NCAPH2: variants seen among roughly 807,000 people sequenced by gnomAD.
The protein encoded by NCAPH2 is non-SMC condensin II complex subunit H2.
Under a neutral mutation model 88.6 loss-of-function variants are expected in NCAPH2, and 56 were observed. That is an observed-to-expected ratio of 0.63 (90% CI 0.51 to 0.79). The LOEUF is 0.79. NCAPH2 is among the 30% of genes least tolerant of loss of function. The pLI, the probability that NCAPH2 is intolerant of heterozygous loss-of-function variation, is 0.00. For missense variants in NCAPH2, 794 were observed against 792.0 expected (o/e 1.00, Z -0.03); for synonymous variants, 378 against 313.6 (o/e 1.21, Z -2.17).
At position 50,524,671 on chromosome 22, in the gene NCAPH2, A is replaced by G; in HGVS notation, c.*1296A>G. On this transcript the variant is annotated 3_prime_UTR_variant, in exon 20 of 20. Transcript: ENST00000420993. ...AGCCTGTCACCGCACCCTGCCCTGC[A>G]CCTGCACCTCAGCAAGGTGAACCTC... 2.9e-6 allele frequency: 2 copies of G among 685,282 alleles called. No individual in the cohort carries two copies. Among genetic ancestry groups the G allele is most frequent in the South Asian group, 1.5e-5 (1 of 66,424 alleles). 42.5% of individuals were successfully genotyped at this position (685,282 alleles called of 1,614,324 possible). A position where few individuals can be genotyped will look rare whatever the true frequency, so the allele number is the denominator to read the frequency against.
chr22:50,517,903 C>T (rs1165030331), intron 5 of NCAPH2, 70 bp from the exon 6 acceptor site: 2 of 1,602,266 alleles, frequency 1.2e-6, no homozygotes, highest in Non-Finnish European at 1.7e-6. Context: ...GGTGTCATTG[C>T]CCCATGTGGG....
intron 1 of NCAPH2, chr22:50,515,901 G>C (rs1420828747): frequency 1.3e-6 from 1 of 793,244 alleles, no homozygotes; most frequent in Admixed American, 3.6e-5. Context: ...CTTATGGTTG[G>C]CAGCTTGGGC....
chr22:50,517,449 T>C lies in NCAPH2; in HGVS notation c.233T>C (p.Val78Ala). 4 of 1,614,024 alleles carry C rather than the reference T, an allele frequency of 2.5e-6. No homozygotes were observed. Among genetic ancestry groups the C allele is most frequent in the Non-Finnish European group, 3.4e-6 (4 of 1,180,012 alleles). ...CAGGTGGAATACCTCTACTCACTCG[T>C]CTACCAGGCCCTTGATTTCATCTCT... Reference protein sequence around the residue: ...SKKVEYLYSLVYQALDFISGK... With the variant: ...SKKVEYLYSLAYQALDFISGK... The change falls in exon 3 of 20, where the codon GTC (valine) becomes GCC (alanine). Residue 78 changes from valine (V) to alanine (A), a missense_variant. Val to Ala is a moderately conservative substitution (Grantham distance 64). Coordinates refer to ENST00000420993, the MANE Select transcript of NCAPH2 (RefSeq NM_152299.4).
At position 50,524,538 on chromosome 22, in the gene NCAPH2, C is replaced by T. The variant is rs1291806873; in HGVS notation, c.*1163C>T. On this transcript the variant is annotated 3_prime_UTR_variant, in exon 20 of 20. Coordinates refer to ENST00000420993, the MANE Select transcript of NCAPH2 (RefSeq NM_152299.4). Reference sequence around the variant, plus strand: ...CTGAAGGACCCAGCCCACGTTCAGGCTTAACAGGCATTTGCAGCTGCTCAC... The same window carrying T: ...CTGAAGGACCCAGCCCACGTTCAGGTTTAACAGGCATTTGCAGCTGCTCAC... 1.1e-6 allele frequency: 1 copy of T among 945,014 alleles called. No homozygotes were observed. The allele number at this position is 945,014 out of a possible 1,614,324, so 58.5% of individuals were successfully genotyped here. A position where few individuals can be genotyped will look rare whatever the true frequency, so the allele number is the denominator to read the frequency against.
chr22:50,521,948 C>G, intron 12 of NCAPH2, 38 bp from the exon 13 acceptor site: 1 of 1,613,782 alleles, frequency 6.2e-7, no homozygotes, highest in Non-Finnish European at 8.5e-7. Context: ...CTGTGGGCAG[C>G]TCTTGGCCTG....
At chr22:50,508,499 C>CGGGGGGGG in intron 1 of NCAPH2, 54 bp downstream of exon 1, 1 of 350,300 alleles carries the variant, frequency 2.9e-6, no homozygotes, top group African/African-American at 2.3e-5. Flanking sequence ...GGCTGCGGGG[C>CGGGGGGGG]GGGGGCTCCG....
At chr22:50,517,865 G>T (rs1317345318) in intron 5 of NCAPH2, 56 bp downstream of exon 5, 2 of 1,604,654 alleles carry the variant, frequency 1.2e-6, no homozygotes. Flanking sequence ...TTTCCCTGGG[G>T]CTGTGTTGAG....
At position 50,524,491 on chromosome 22, in the gene NCAPH2, C is replaced by A. The variant is rs779177024; in HGVS notation, c.*1116C>A. 1 of 1,443,034 alleles carries A rather than the reference C, an allele frequency of 6.9e-7. No individual in the cohort carries two copies. Among genetic ancestry groups the A allele is most frequent in the Non-Finnish European group, 9.6e-7 (1 of 1,039,978 alleles). 89.4% of individuals were successfully genotyped at this position (1,443,034 alleles called of 1,614,324 possible). A position where few individuals can be genotyped will look rare whatever the true frequency, so the allele number is the denominator to read the frequency against. ...CAGGACAGTGCCTGGGCTGCCCCTG[C>A]GACTTGAGACCAGCCACCCATCTGA... On this transcript the variant is annotated 3_prime_UTR_variant, in exon 20 of 20. Coordinates refer to ENST00000420993, the MANE Select transcript of NCAPH2 (RefSeq NM_152299.4).
chr22:50,524,749 T>C lies in NCAPH2; in HGVS notation c.*1374T>C, dbSNP rs1035221160. 5.7e-6 allele frequency: 3 copies of C among 523,050 alleles called. No individual in the cohort carries two copies. The highest frequency in any genetic ancestry group is 2.3e-5 in the Admixed American group (1 of 43,228). The allele number at this position is 523,050 out of a possible 1,614,324, so 32.4% of individuals were successfully genotyped here. ...TGCCTTGCCTGAACTAACCACGTTA[T>C]CTATTTGCAATAAACCCATTTCTTA... On this transcript the variant is annotated 3_prime_UTR_variant, in exon 20 of 20. Coordinates refer to ENST00000420993, the MANE Select transcript of NCAPH2 (RefSeq NM_152299.4).
intron 1 of NCAPH2, chr22:50,515,884 T>C: frequency 9.9e-7 from 1 of 1,011,562 alleles, no homozygotes; most frequent in East Asian, 6.3e-5. Context: ...GGTTTGGGGC[T>C]CATTGGCTTA....
rs774767027 is a variant in NCAPH2, at chr22:50,522,843, A to G, written c.1448A>G (p.Gln483Arg). ...TAGGAGCTCTTCATCGCCACCTCCC[A>G]GAAGTTTGTCCAGGAGACAGAGCTG... ...RNVELFIATS[Q>R]KFVQETELSQ... The change falls in exon 18 of 20, where the codon CAG (glutamine) becomes CGG (arginine). Residue 483 changes from glutamine to arginine, a missense_variant. Physicochemically the swap from Gln to Arg is conservative, Grantham distance 43. Transcript: ENST00000420993. The G allele has an allele frequency of 5.6e-6, 9 of 1,613,408 alleles. No individual in the cohort carries two copies. In the East Asian group the frequency reaches 1.8e-4, roughly 32 times the overall value.
chr22:50,523,552 C>A lies in NCAPH2; in HGVS notation c.*177C>A. On this transcript the variant is annotated 3_prime_UTR_variant, in exon 20 of 20. Transcript: ENST00000420993. ...GCCTCCCTGGGCCGCTGGTACAGAT[C>A]ACACACACACACAGATTAAACGCAG... 2 of 1,427,676 alleles carry A rather than the reference C, an allele frequency of 1.4e-6. No individual in the cohort carries two copies. Among genetic ancestry groups the A allele is most frequent in the Admixed American group, 1.9e-5 (1 of 53,912 alleles). The allele number at this position is 1,427,676 out of a possible 1,614,324, so 88.4% of individuals were successfully genotyped here.
At chr22:50,514,139 C>T (rs2068856460) in intron 1 of NCAPH2, among the ~76,000 whole-genome samples, 1 of 151,782 alleles carries the variant, frequency 6.6e-6, no homozygotes, top group Non-Finnish European at 1.5e-5. Context: ...ACAGAAGGTT[C>T]CAAGTTGGGA....
At chr22:50,513,808 A>G (rs2068848956) in intron 1 of NCAPH2, among the ~76,000 whole-genome samples, 1 of 152,102 alleles carries the variant, frequency 6.6e-6, no homozygotes, top group South Asian at 2.1e-4. Flanking sequence ...AATCACCAGA[A>G]ACTTATAAGG....
At position 50,522,329 on chromosome 22, in the gene NCAPH2, C is replaced by CT. The variant is rs764310447; in HGVS notation, c.1234-11dup. 6.2e-7 allele frequency: 1 copy of CT among 1,603,620 alleles called. No individual in the cohort carries two copies. Among genetic ancestry groups the CT allele is most frequent in the Admixed American group, 1.7e-5 (1 of 59,456 alleles). On this transcript the variant is annotated splice_polypyrimidine_tract_variant and intron_variant, in intron 14 of 19. Transcript: ENST00000420993. ...GAGGTGACAGTGCCCCTCACAGATG[C>CT]TTTCTCTGGACAGGTGGCTGAGCAG...
rs778827138 is a variant in NCAPH2 at position 50,521,830 on chromosome 22, C to A, written c.1090C>A (p.Gln364Lys). The change falls in exon 12 of 20, where the codon CAG (glutamine) becomes AAG (lysine). Residue 364 changes from glutamine (Q) to lysine (K), a missense_variant. Around this residue, in one of 2 missense-constraint regions of NCAPH2, gnomAD observed 735 missense variants for 696.3 expected, o/e 1.06. Coordinates refer to ENST00000420993, the MANE Select transcript of NCAPH2 (RefSeq NM_152299.4). The stretch of plus-strand genomic sequence containing the variant: ...CGCTGCCAAGCTGCAGGACTTCCAC[C>A]AGTGGTACCTGGCTGCCTGTGAGTG... The part of the protein sequence containing the change: ...KGAAKLQDFH[Q>K]WYLAAYADHA... 1.2e-6 allele frequency: 2 copies of A among 1,613,940 alleles called. No individual in the cohort carries two copies. The highest frequency in any genetic ancestry group is 1.1e-5 in the South Asian group (1 of 91,084).
In NCAPH2 at chr22:50,518,224, G is replaced by A. The variant is rs371503348; in HGVS notation, c.592G>A (p.Gly198Ser). Residue 198 changes from glycine (G) to serine (S), a missense_variant, in exon 7 of 20, where the codon GGC becomes AGC. Physicochemically the swap from Gly to Ser is moderately conservative, Grantham distance 56 (BLOSUM62 0). Coordinates refer to ENST00000420993, the MANE Select transcript of NCAPH2 (RefSeq NM_152299.4). ...AGGGGCCTTCATGTTGGAGCCAGAG[G>A]GCATGTCCCCCATGGAACCAGCGGG... Reference protein sequence around the residue: ...PRGAFMLEPEGMSPMEPAGVS... With the variant: ...PRGAFMLEPESMSPMEPAGVS... 5 of 1,613,866 alleles carry A rather than the reference G, an allele frequency of 3.1e-6. No individual in the cohort carries two copies. The highest frequency in any genetic ancestry group is 4.2e-6 in the Non-Finnish European group (5 of 1,180,032).
chr22:50,516,307 A>T, intron 1 of NCAPH2, 140 bp from the exon 2 acceptor site: 1 of 684,110 alleles, frequency 1.5e-6, no homozygotes, highest in African/African-American at 1.8e-5. Flanking sequence ...ACCAGGGACA[A>T]CCGGTGAGCC....
Position 50,524,050 on chromosome 22 carries a change from C to T in NCAPH2, c.*675C>T. The stretch of plus-strand genomic sequence containing the variant: ...GCCAAAGTACATCAGCACCCACTGG[C>T]CCCGGAAGTCAGCCTTGCAGCGAGC... On this transcript the variant is annotated 3_prime_UTR_variant, in exon 20 of 20. Coordinates refer to ENST00000420993, the MANE Select transcript of NCAPH2 (RefSeq NM_152299.4). 1 of 1,613,428 alleles carries T rather than the reference C, an allele frequency of 6.2e-7. No homozygotes were observed. The highest frequency in any genetic ancestry group is 8.5e-7 in the Non-Finnish European group (1 of 1,180,000).
Sources: allele counts gnomAD v4.1 joint callset (sites outside exome capture counted in the v4.1 genomes callset), GRCh38; gene constraint gnomAD v4.1.1; regional missense constraint gnomAD v4.1.1; transcripts MANE v1.5; gene names NCBI Gene and HGNC (gene_info 2026-07-23, HGNC 2026-07-21).